MAOA: variants seen among roughly 807,000 people sequenced by gnomAD.
The protein encoded by MAOA is monoamine oxidase A.
A neutral mutation model predicts 42.0 loss-of-function variants in MAOA; 6 were observed. The ratio of observed to expected loss-of-function variants is 0.14; its 90% CI spans 0.08 to 0.28. The LOEUF is 0.28. Among genes scored for constraint, MAOA ranks in the 10% least tolerant of loss-of-function variants. The pLI is 1.00. For synonymous variants in MAOA, 140 were observed against 154.0 expected (o/e 0.91, Z 0.67); for missense variants, 262 against 422.3 (o/e 0.62, Z 3.33).
intron 1 of MAOA, among the ~76,000 whole-genome samples, chrX:43,680,235 A>C (rs1206373107): frequency 1.8e-5 from 2 of 111,483 alleles, no homozygotes; most frequent in African/African-American, 3.3e-5. Flanking sequence ...TGATTTGGCT[A>C]TGTGTATTCT....
intron 2 of MAOA, among the ~76,000 whole-genome samples, chrX:43,685,321 T>C (rs1207197392): frequency 8.9e-6 from 1 of 111,972 alleles, no homozygotes; most frequent in African/African-American, 3.2e-5. Context: ...AAGCTTTTCC[T>C]TCGCCAAAAG....
At chrX:43,741,811 T>C in intron 11 of MAOA, 139 bp from the exon 12 acceptor site, 1 of 1,084,622 alleles carries the variant, frequency 9.2e-7, no homozygotes, top group Non-Finnish European at 1.2e-6. Context: ...TACTATCATG[T>C]TTCCCCTTAA....
intron 6 of MAOA, among the ~76,000 whole-genome samples, chrX:43,730,357 A>T (rs2033871143): frequency 9.0e-6 from 1 of 110,720 alleles, no homozygotes; most frequent in African/African-American, 3.3e-5. Context: ...TGGTCTTATA[A>T]GGGCCGCTCA....
At position 43,741,872 on chromosome X, in the gene MAOA, T is replaced by G. The variant is rs774775029; in HGVS notation, c.1165-78T>G. On this transcript the variant is annotated intron_variant, in intron 11 of 14. Coordinates refer to ENST00000338702, the MANE Select transcript of MAOA (RefSeq NM_000240.4). The stretch of plus-strand genomic sequence containing the variant: ...TTATTTTCTTAATGTAAACTTTTTG[T>G]TAAAGCAACGATATTATTGACTCGC... The G allele has an allele frequency of 3.4e-6, 4 of 1,186,310 alleles. No homozygotes were observed. The African/African-American group carries it at 7.0e-5, about 21-fold the overall frequency.
intron 3 of MAOA, among the ~76,000 whole-genome samples, chrX:43,703,658 A>C (rs1029871612): frequency 3.4e-4 from 38 of 112,180 alleles, no homozygotes; most frequent in African/African-American, 1.2e-3. Flanking sequence ...TTTCTAAGCA[A>C]CATTAATCTT....
At chrX:43,668,606 A>G (rs747707291) in intron 1 of MAOA, among the ~76,000 whole-genome samples, 50 of 112,328 alleles carry the variant, frequency 4.5e-4, no homozygotes, top group Non-Finnish European at 7.5e-5. Flanking sequence ...AGATGTCTCA[A>G]CACAATTTAT....
At chrX:43,729,675 G>T (rs1233415752) in intron 6 of MAOA, among the ~76,000 whole-genome samples, 2 of 111,082 alleles carry the variant, frequency 1.8e-5, no homozygotes, top group Non-Finnish European at 3.8e-5. Context: ...ACAGAGTCTT[G>T]CTTTGTTGCC....
At chrX:43,743,759 A>G in intron 12 of MAOA, 35 bp from the exon 13 acceptor site, 3 of 1,162,051 alleles carry the variant, frequency 2.6e-6, no homozygotes, top group Non-Finnish European at 3.5e-6. Flanking sequence ...CCACCTTCCC[A>G]AGTAACTCTG....
At chrX:43,736,131 C>G in intron 9 of MAOA, 96 bp from the exon 10 acceptor site, 4 of 606,003 alleles carry the variant, frequency 6.6e-6, no homozygotes, top group Non-Finnish European at 1.1e-5. Context: ...TCATTTCATG[C>G]TGAATAGCTA....
chrX:43,677,512 T>C (rs1367925662), intron 1 of MAOA, among the ~76,000 whole-genome samples: 1 of 111,422 alleles, frequency 9.0e-6, no homozygotes, highest in Non-Finnish European at 1.9e-5. Context: ...TTTTTTTTTT[T>C]AACCTCTCTG....
At chrX:43,703,238 GACAC>G (rs2033636949) in intron 3 of MAOA, among the ~76,000 whole-genome samples, 1 of 111,202 alleles carries the variant, frequency 9.0e-6, no homozygotes, top group Non-Finnish European at 1.9e-5. Flanking sequence ...CATCCTCCCA[GACAC>G]TGTGATACAC....
At chrX:43,741,313 G>A (rs1280738609) in intron 11 of MAOA, among the ~76,000 whole-genome samples, 1 of 111,186 alleles carries the variant, frequency 9.0e-6, no homozygotes, top group Non-Finnish European at 1.9e-5. Context: ...GAATGGCTGA[G>A]CGCTCTTTCA....
At chrX:43,742,228 C>A (rs2033965632) in intron 12 of MAOA, among the ~76,000 whole-genome samples, 181 bp downstream of exon 12, 1 of 112,795 alleles carries the variant, frequency 8.9e-6, no homozygotes, top group Non-Finnish European at 1.9e-5. Context: ...AGAACAATAG[C>A]TGTCAGCATA....
intron 5 of MAOA, among the ~76,000 whole-genome samples, chrX:43,725,656 A>T (rs1475542151): frequency 9.0e-6 from 1 of 111,685 alleles, no homozygotes; most frequent in Admixed American, 9.5e-5. Flanking sequence ...TAATTGGGGC[A>T]TTTAGCCCAT....
chrX:43,701,860 A>G (rs1251074933), intron 3 of MAOA, among the ~76,000 whole-genome samples: 9 of 112,172 alleles, frequency 8.0e-5, no homozygotes, highest in Non-Finnish European at 1.7e-4. Flanking sequence ...CTTTCAGGTT[A>G]AAATGTAGTT....
At chrX:43,743,203 G>A (rs1307500894) in intron 12 of MAOA, among the ~76,000 whole-genome samples, 1 of 111,467 alleles carries the variant, frequency 9.0e-6, no homozygotes, top group Non-Finnish European at 1.9e-5. Flanking sequence ...TTCTTTGTAA[G>A]AGGAGACCCA....
intron 1 of MAOA, among the ~76,000 whole-genome samples, chrX:43,681,125 G>C (rs2033438783): frequency 9.0e-6 from 1 of 110,830 alleles, no homozygotes; most frequent in Admixed American, 9.6e-5. Flanking sequence ...GGCTCATCTT[G>C]TACATTTCCT....
intron 2 of MAOA, among the ~76,000 whole-genome samples, chrX:43,683,985 G>T (rs1391780044): frequency 9.1e-6 from 1 of 110,334 alleles, no homozygotes; most frequent in East Asian, 2.8e-4. Context: ...CACACACTTA[G>T]ATTCCCTATT....
At chrX:43,740,542 C>A in intron 10 of MAOA, 139 bp from the exon 11 acceptor site, 1 of 457,697 alleles carries the variant, frequency 2.2e-6, no homozygotes, top group Non-Finnish European at 3.5e-6. Flanking sequence ...TGTGCAGTTA[C>A]AGAAGGCCAT....
Sources: gnomAD v4.1 joint callset for allele counts (sites outside exome capture counted in the v4.1 genomes callset) on GRCh38, gnomAD v4.1.1 for gene constraint, MANE v1.5 for transcripts, NCBI Gene and HGNC (gene_info 2026-07-23, HGNC 2026-07-21) for gene names.